PPP4R3B: variants seen among roughly 807,000 people sequenced by gnomAD.
PPP4R3B encodes protein phosphatase 4 regulatory subunit 3B, also known as serine/threonine-protein phosphatase 4 regulatory subunit 3B.
A neutral mutation model predicts 95.4 loss-of-function variants in PPP4R3B; 52 were observed. The ratio of observed to expected loss-of-function variants is 0.54; its 90% CI spans 0.44 to 0.69. The LOEUF is 0.69. PPP4R3B is among the 30% of genes least tolerant of loss of function. The probability of loss-of-function intolerance (pLI) is 0.00; values close to 1 mark genes in which losing one functional copy is unlikely to be tolerated. For synonymous variants in PPP4R3B, 407 were observed against 343.9 expected (o/e 1.18, Z -2.03); for missense variants, 1,003 against 1,005.9 (o/e 1.00, Z 0.04).
chr2:55,583,849 C>G (rs1689744191), intron 7 of PPP4R3B, among the ~76,000 whole-genome samples: 1 of 152,164 alleles, frequency 6.6e-6, no homozygotes, highest in South Asian at 2.1e-4. Context: ...CATAAAACAA[C>G]TATAATTTCA....
chr2:55,598,929 T>G lies in PPP4R3B; in HGVS notation c.408A>C (p.Thr136=), dbSNP rs35562862. 3 of 1,614,058 alleles carry G rather than the reference T, an allele frequency of 1.9e-6. No homozygotes were observed. In the South Asian group the frequency reaches 3.3e-5, roughly 18 times the overall value. ...TCTCTTCAAGTTTATTGAGTTCACATGTGGGCAGGTCAATCAGATGACTAG... is the reference window on the plus strand; with the variant it reads ...TCTCTTCAAGTTTATTGAGTTCACAGGTGGGCAGGTCAATCAGATGACTAG... ...PETSHLIDLP[T]CELNKLEEIA... Residue 136 remains threonine, a synonymous_variant, in exon 4 of 17, where the codon ACA becomes ACC. Coordinates refer to ENST00000616407, the MANE Select transcript of PPP4R3B (RefSeq NM_001122964.3).
intron 6 of PPP4R3B, among the ~76,000 whole-genome samples, chr2:55,586,074 T>C (rs539362052): frequency 2.7e-4 from 41 of 152,324 alleles, no homozygotes; most frequent in Middle Eastern, 3.4e-3. Flanking sequence ...CTAAATTTTT[T>C]GTTTTGAAAA....
At chr2:55,597,936 G>C (rs111674886) in intron 4 of PPP4R3B, among the ~76,000 whole-genome samples, 13,739 of 152,096 alleles carry the variant, frequency 0.09, 758 homozygotes, top group South Asian at 0.14. Context: ...TAAAAGGCTG[G>C]GCTGGGCGCG....
At chr2:55,581,837 A>T in intron 7 of PPP4R3B, 139 bp from the exon 8 acceptor site, 2 of 778,022 alleles carry the variant, frequency 2.6e-6, no homozygotes, top group Non-Finnish European at 3.7e-6. Flanking sequence ...TTAAACCTCT[A>T]TTCCTAATGC....
intron 4 of PPP4R3B, among the ~76,000 whole-genome samples, chr2:55,593,921 C>T (rs1190855244): frequency 6.6e-6 from 1 of 152,062 alleles, no homozygotes; most frequent in East Asian, 1.9e-4. Flanking sequence ...TAAGTGTCTA[C>T]CAACAGATGA....
intron 11 of PPP4R3B, among the ~76,000 whole-genome samples, chr2:55,575,510 A>G (rs999598391): frequency 5.3e-5 from 8 of 152,012 alleles, no homozygotes; most frequent in Non-Finnish European, 1.0e-4. Context: ...CACTGGTGCA[A>G]TTTCGGCTCA....
intron 16 of PPP4R3B, among the ~76,000 whole-genome samples, chr2:55,553,572 C>CA (rs1397158643): frequency 6.6e-6 from 1 of 152,048 alleles, no homozygotes; most frequent in Non-Finnish European, 1.5e-5. Flanking sequence ...TTTCACCCAC[C>CA]AAAAAAAGTC....
intron 3 of PPP4R3B, among the ~76,000 whole-genome samples, chr2:55,600,519 C>T (rs1179004176): frequency 6.9e-6 from 1 of 143,970 alleles, no homozygotes; most frequent in Non-Finnish European, 1.5e-5. Context: ...TGAAATTGTC[C>T]TTTCAAAGAT....
At chr2:55,591,422 C>T in intron 4 of PPP4R3B, 1 of 641,450 alleles carries the variant, frequency 1.6e-6, no homozygotes, top group Non-Finnish European at 1.9e-6. Context: ...GGACTACAGG[C>T]ATGAGCCACC....
At chr2:55,603,314 G>A (rs980203318) in intron 3 of PPP4R3B, among the ~76,000 whole-genome samples, 1 of 152,140 alleles carries the variant, frequency 6.6e-6, no homozygotes, top group Non-Finnish European at 1.5e-5. Flanking sequence ...TATAGGGGTG[G>A]GGTAGTAGGA....
chr2:55,610,005 T>A (rs756526198), intron 2 of PPP4R3B, among the ~76,000 whole-genome samples: 8 of 152,190 alleles, frequency 5.3e-5, no homozygotes, highest in Non-Finnish European at 1.0e-4. Context: ...AAATTTTTTT[T>A]AATAAGCCTC....
At chr2:55,585,990 C>A (rs1690082302) in intron 6 of PPP4R3B, among the ~76,000 whole-genome samples, 1 of 151,834 alleles carries the variant, frequency 6.6e-6, no homozygotes, top group South Asian at 2.1e-4. Context: ...CTTTGTGAAT[C>A]TAAACACCTT....
At chr2:55,614,387 C>T (rs531452074) in intron 2 of PPP4R3B, 84 of 152,242 alleles carry the variant, frequency 5.5e-4, no homozygotes, top group African/African-American at 1.9e-3. Flanking sequence ...AAGTGTATGT[C>T]ATACATAAGA....
intron 8 of PPP4R3B, 44 bp from the exon 9 acceptor site, chr2:55,579,825 T>TAA (rs1689203091): frequency 7.9e-7 from 1 of 1,269,086 alleles, no homozygotes; most frequent in Non-Finnish European, 1.1e-6. Flanking sequence ...CTTATGTAAA[T>TAA]AAAAACATCT....
At chr2:55,606,693 G>T (rs1004533562) in intron 2 of PPP4R3B, among the ~76,000 whole-genome samples, 1 of 151,694 alleles carries the variant, frequency 6.6e-6, no homozygotes, top group Non-Finnish European at 1.5e-5. Flanking sequence ...TGTGGTAGCA[G>T]CCACCTGTAA....
intron 4 of PPP4R3B, among the ~76,000 whole-genome samples, chr2:55,596,499 C>T (rs1281842453): frequency 6.6e-6 from 1 of 152,150 alleles, no homozygotes; most frequent in East Asian, 1.9e-4. Context: ...ACTATTAAAA[C>T]CAGAATGCTA....
rs1690567766 is a variant in PPP4R3B, at chr2:55,588,927, A to G, written c.951T>C (p.Phe317=). 6.2e-7 allele frequency: 1 copy of G among 1,609,506 alleles called. No individual in the cohort carries two copies. The highest frequency in any genetic ancestry group is 8.5e-7 in the Non-Finnish European group (1 of 1,177,402). ...QEDEKFLSEV[F]AQLTDEATDD... The stretch of plus-strand genomic sequence containing the variant: ...CTGTAGCCTCATCTGTTAATTGTGC[A>G]AAAACTTCAGACAAAAACTTCTCAT... The change falls in exon 5 of 17, where the codon TTT becomes TTC. Residue 317 remains phenylalanine (F), a synonymous_variant. Coordinates refer to ENST00000616407, the MANE Select transcript of PPP4R3B (RefSeq NM_001122964.3).
chr2:55,594,417 T>A (rs1379258236), intron 4 of PPP4R3B, among the ~76,000 whole-genome samples: 2 of 152,016 alleles, frequency 1.3e-5, no homozygotes. Flanking sequence ...ATGAAATGCA[T>A]CTCATGAAGC....
At chr2:55,591,588 T>C (rs1421273265) in intron 4 of PPP4R3B, 1 of 983,940 alleles carries the variant, frequency 1.0e-6, no homozygotes, top group African/African-American at 1.7e-5. Flanking sequence ...GAAAATTTAA[T>C]TTTTTCAAAA....
Sources: allele counts gnomAD v4.1 joint callset (sites outside exome capture counted in the v4.1 genomes callset), GRCh38; gene constraint gnomAD v4.1.1; transcripts MANE v1.5; gene names NCBI Gene and HGNC (gene_info 2026-07-23, HGNC 2026-07-21).